PTPRM: variants seen among roughly 807,000 people sequenced by gnomAD.
The protein encoded by PTPRM is receptor-type tyrosine-protein phosphatase mu.
Under a neutral mutation model 186.7 loss-of-function variants are expected in PTPRM, and 47 were observed. That is an observed-to-expected ratio of 0.25 (90% CI 0.20 to 0.32). The LOEUF is 0.32. Among genes scored for constraint, PTPRM ranks in the 10% least tolerant of loss-of-function variants. The pLI is 1.00. For missense variants in PTPRM, 1,494 were observed against 1,865.0 expected (o/e 0.80, Z 3.66); for synonymous variants, 668 against 674.9 (o/e 0.99, Z 0.16).
chr18:8,115,689 C>G (rs1463677367), intron 13 of PTPRM, among the ~76,000 whole-genome samples: 1 of 152,124 alleles, frequency 6.6e-6, no homozygotes, highest in Non-Finnish European at 1.5e-5. Flanking sequence ...ATCATTAGGT[C>G]TGTAGCAGAA....
At chr18:7,735,521 T>C (rs929952914) in intron 1 of PTPRM, among the ~76,000 whole-genome samples, 2 of 152,004 alleles carry the variant, frequency 1.3e-5, no homozygotes, top group Non-Finnish European at 2.9e-5. Context: ...TAGTATAACA[T>C]CACATGACAG....
At chr18:8,201,912 A>G (rs2093863759) in intron 14 of PTPRM, among the ~76,000 whole-genome samples, 2 of 152,348 alleles carry the variant, frequency 1.3e-5, no homozygotes, top group South Asian at 2.1e-4. Flanking sequence ...CTTCAAGCAC[A>G]TGATACCTCC....
chr18:7,923,161 G>A (rs373197753), intron 4 of PTPRM, among the ~76,000 whole-genome samples: 2 of 152,176 alleles, frequency 1.3e-5, no homozygotes, highest in East Asian at 3.8e-4. Flanking sequence ...AATAGTGGCC[G>A]CAAGTGCAAT....
At chr18:7,775,647 A>G (rs991544980) in intron 2 of PTPRM, among the ~76,000 whole-genome samples, 1 of 152,214 alleles carries the variant, frequency 6.6e-6, no homozygotes, top group Non-Finnish European at 1.5e-5. Flanking sequence ...AGATTGCCCC[A>G]GAAGAGTGCA....
Position 8,069,776 on chromosome 18 carries a change from C to G in PTPRM, c.1223C>G (p.Thr408Ser). 1 of 1,613,818 alleles carries G rather than the reference C, an allele frequency of 6.2e-7. No individual in the cohort carries two copies. The highest frequency in any genetic ancestry group is 8.5e-7 in the Non-Finnish European group (1 of 1,179,684). ...TGGGAGCCATTTGGATATAATGTAA[C>G]TCGTTGCCACAGTTATAATCTCACT... Reference protein sequence around the residue: ...IRWEPFGYNVTRCHSYNLTVH... With the variant: ...IRWEPFGYNVSRCHSYNLTVH... Residue 408 changes from threonine to serine, a missense_variant, in exon 8 of 33, where the codon ACT (threonine) becomes AGT (serine). Coordinates refer to ENST00000580170, the MANE Select transcript of PTPRM (RefSeq NM_001105244.2).
rs2093250758 is a variant in PTPRM, at chr18:8,162,552, C to G, written c.2300+18773C>G. ...GGGAAGCCAGCCCACCCCAGCATGGCTCCTCACCCTGAGCACTGAGTGCTG... is the reference window on the plus strand; with the variant it reads ...GGGAAGCCAGCCCACCCCAGCATGGGTCCTCACCCTGAGCACTGAGTGCTG... On this transcript the variant is annotated intron_variant, in intron 14 of 32. Transcript: ENST00000580170. 2.0e-5 allele frequency among the ~76,000 whole-genome samples: 3 copies of G among 152,194 alleles called. No homozygotes were observed. The South Asian group carries it at 6.2e-4, about 31-fold the overall frequency.
chr18:7,955,781 T>C (rs1156842273), intron 7 of PTPRM, among the ~76,000 whole-genome samples: 1 of 152,216 alleles, frequency 6.6e-6, no homozygotes, highest in Non-Finnish European at 1.5e-5. Context: ...TGTTCATAGT[T>C]AATGTGCCAG....
At chr18:7,953,890 C>T (rs1193651576) in intron 6 of PTPRM, among the ~76,000 whole-genome samples, 3 of 152,008 alleles carry the variant, frequency 2.0e-5, no homozygotes, top group East Asian at 1.9e-4. Context: ...TAGGATATAG[C>T]GGATTTTATT....
At chr18:8,051,466 C>T (rs904833372) in intron 7 of PTPRM, among the ~76,000 whole-genome samples, 6 of 152,184 alleles carry the variant, frequency 3.9e-5, no homozygotes, top group Non-Finnish European at 8.8e-5. Context: ...ACAGAGGTAG[C>T]CAATATCTTC....
intron 3 of PTPRM, among the ~76,000 whole-genome samples, chr18:7,898,595 AACCAG>A (rs2146468332): frequency 6.6e-6 from 1 of 152,314 alleles, no homozygotes; most frequent in African/African-American, 2.4e-5. Flanking sequence ...CAACTGGTTT[AACCAG>A]TTGTTTCCTC....
chr18:8,394,368 C>T (rs1406313421), intron 31 of PTPRM, 108 bp from the exon 32 acceptor site: 2 of 1,306,310 alleles, frequency 1.5e-6, no homozygotes, highest in Non-Finnish European at 2.1e-6. Flanking sequence ...CCTCAGAGCC[C>T]TTTGTTGTTA....
intron 22 of PTPRM, among the ~76,000 whole-genome samples, chr18:8,342,853 G>T (rs2095482833): frequency 6.6e-6 from 1 of 152,036 alleles, no homozygotes; most frequent in South Asian, 2.1e-4. Flanking sequence ...TTTATGTTCT[G>T]CCAGGAATCT....
chr18:7,604,676 G>A (rs904364634), intron 1 of PTPRM, among the ~76,000 whole-genome samples: 24 of 152,220 alleles, frequency 1.6e-4, no homozygotes, highest in Admixed American at 1.3e-4. Context: ...TTACCTTCCA[G>A]TGCAGTGCAT....
intron 2 of PTPRM, among the ~76,000 whole-genome samples, chr18:7,861,134 A>G (rs1408717720): frequency 1.3e-5 from 2 of 152,100 alleles, no homozygotes; most frequent in African/African-American, 4.8e-5. Context: ...TCATTTTTGC[A>G]TCCTGTATCC....
rs560453405 is a variant in PTPRM at position 7,654,859 on chromosome 18, A to G, written c.73+86968A>G. 2.0e-5 allele frequency among the ~76,000 whole-genome samples: 3 copies of G among 152,268 alleles called. No homozygotes were observed. In the East Asian group the frequency reaches 5.8e-4, roughly 29 times the overall value. ...GCTGTCTTGTTTACTGTAGCCCTGTAGTATAGTTTGAAGTCAGGTAGCATG... is the reference window on the plus strand; with the variant it reads ...GCTGTCTTGTTTACTGTAGCCCTGTGGTATAGTTTGAAGTCAGGTAGCATG... On this transcript the variant is annotated intron_variant, in intron 1 of 32. Transcript: ENST00000580170.
chr18:8,309,644 AC>A (rs2095253114), intron 20 of PTPRM, among the ~76,000 whole-genome samples: 1 of 152,088 alleles, frequency 6.6e-6, no homozygotes, highest in Non-Finnish European at 1.5e-5. Context: ...CCCTAGGACT[AC>A]AGGTGTGCTC....
At chr18:7,908,506 A>G (rs761821803) in intron 4 of PTPRM, among the ~76,000 whole-genome samples, 2 of 152,168 alleles carry the variant, frequency 1.3e-5, no homozygotes, top group South Asian at 2.1e-4. Context: ...TGTGGTTGTT[A>G]CCTGATGAAT....
At chr18:7,913,435 C>T (rs2146639401) in intron 4 of PTPRM, among the ~76,000 whole-genome samples, 1 of 152,296 alleles carries the variant, frequency 6.6e-6, no homozygotes, top group South Asian at 2.1e-4. Flanking sequence ...GGAAAGCTTT[C>T]AGTCTTTTAG....
At chr18:8,257,923 T>G (rs547364868) in intron 19 of PTPRM, among the ~76,000 whole-genome samples, 28 of 152,188 alleles carry the variant, frequency 1.8e-4, no homozygotes, top group Non-Finnish European at 4.4e-5. Context: ...CAGAAGTATG[T>G]CCGAACAAGA....
Sources: allele counts gnomAD v4.1 joint callset (sites outside exome capture counted in the v4.1 genomes callset), GRCh38; gene constraint gnomAD v4.1.1; transcripts MANE v1.5; gene names NCBI Gene and HGNC (gene_info 2026-07-23, HGNC 2026-07-21).